The following NPAS3 variants were observed in gnomAD, a reference collection of about 807,000 sequenced individuals.
NPAS3 encodes neuronal PAS domain-containing protein 3.
In NPAS3, 14 loss-of-function variants were observed where a neutral mutation model predicts 73.1. That is an observed-to-expected ratio of 0.19 (90% CI 0.13 to 0.30). The LOEUF (loss-of-function observed/expected upper bound fraction) is 0.30. Among genes scored for constraint, NPAS3 ranks in the 10% least tolerant of loss-of-function variants. The pLI, the probability that NPAS3 is intolerant of heterozygous loss-of-function variation, is 1.00. For synonymous variants in NPAS3, 620 were observed against 541.5 expected (o/e 1.14, Z -2.01); for missense variants, 1,096 against 1,250.0 (o/e 0.88, Z 1.86).
intron 4 of NPAS3, among the ~76,000 whole-genome samples, chr14:33,504,413 G>T (rs1196972185): frequency 6.6e-6 from 1 of 151,978 alleles, no homozygotes; most frequent in African/African-American, 2.4e-5. Flanking sequence ...TGAGCTTTAA[G>T]AAATGTGATT....
intron 6 of NPAS3, among the ~76,000 whole-genome samples, chr14:33,693,305 G>A (rs1194477770): frequency 6.6e-6 from 1 of 152,056 alleles, no homozygotes; most frequent in Non-Finnish European, 1.5e-5. Context: ...CCCTGTTTTT[G>A]CTTTCTATAG....
intron 5 of NPAS3, among the ~76,000 whole-genome samples, chr14:33,615,697 C>G (rs2057894640): frequency 6.6e-6 from 1 of 152,080 alleles, no homozygotes; most frequent in South Asian, 2.1e-4. Flanking sequence ...CATAAATCAA[C>G]TTGTTTATTA....
chr14:33,645,934 G>A (rs1435263518), intron 5 of NPAS3, among the ~76,000 whole-genome samples: 1 of 152,224 alleles, frequency 6.6e-6, no homozygotes, highest in East Asian at 1.9e-4. Flanking sequence ...GGAGCTGGAA[G>A]CACAGCAGTA....
intron 3 of NPAS3, among the ~76,000 whole-genome samples, chr14:33,272,144 T>C (rs1165649202): frequency 6.6e-6 from 1 of 152,184 alleles, no homozygotes; most frequent in Non-Finnish European, 1.5e-5. Context: ...TTCTCAATCC[T>C]GTTTTGCTCA....
chr14:33,031,675 G>T (rs1171024953), intron 1 of NPAS3, among the ~76,000 whole-genome samples: 1 of 152,164 alleles, frequency 6.6e-6, no homozygotes, highest in African/African-American at 2.4e-5. Flanking sequence ...TTTTTGTAGA[G>T]ATGGGGCCTC....
chr14:33,452,340 G>A (rs1380346295), intron 4 of NPAS3, among the ~76,000 whole-genome samples: 1 of 152,140 alleles, frequency 6.6e-6, no homozygotes, highest in Non-Finnish European at 1.5e-5. Flanking sequence ...GTGACAAACT[G>A]AATTTATTAA....
At chr14:33,088,565 C>T (rs113292271) in intron 2 of NPAS3, among the ~76,000 whole-genome samples, 26 of 152,306 alleles carry the variant, frequency 1.7e-4, no homozygotes, top group African/African-American at 4.1e-4. Flanking sequence ...TGGAGCCCAC[C>T]GCAGCTCAAG....
At chr14:33,749,745 C>A (rs1291107817) in intron 7 of NPAS3, among the ~76,000 whole-genome samples, 1 of 151,992 alleles carries the variant, frequency 6.6e-6, no homozygotes, top group Admixed American at 6.6e-5. Flanking sequence ...CTCCGAGAAC[C>A]CTGAAGTAGA....
Position 33,800,889 on chromosome 14 carries a change from T to C in NPAS3, c.2582T>C (p.Phe861Ser). The stretch of plus-strand genomic sequence containing the variant: ...TTCGTGGACGTTAACAGCCCCGGCT[T>C]TGGCCTCGACCCCAAGACGCCCATG... Residue 861 changes from phenylalanine to serine, a missense_variant, in exon 12 of 12, where the codon TTT becomes TCT. Around this residue, in one of 5 missense-constraint regions of NPAS3, gnomAD observed 698 missense variants for 676.7 expected, o/e 1.03. Coordinates refer to ENST00000356141, the Ensembl canonical transcript of NPAS3. The surrounding 1 kb of genome is among the most constrained non-coding windows in gnomAD (Gnocchi z 6.5). The C allele has an allele frequency of 3.7e-6, 6 of 1,607,424 alleles. No individual in the cohort carries two copies. The highest frequency in any genetic ancestry group is 4.2e-6 in the Non-Finnish European group (5 of 1,177,424).
upstream of NPAS3, among the ~76,000 whole-genome samples, chr14:32,936,691 G>A (rs985574906): frequency 8.5e-5 from 13 of 152,050 alleles, no homozygotes; most frequent in African/African-American, 3.1e-4. Flanking sequence ...CATATAAATT[G>A]GGCATAAAAG....
intron 5 of NPAS3, among the ~76,000 whole-genome samples, chr14:33,671,738 A>G (rs78206566): frequency 0.018 from 2,754 of 152,326 alleles, 81 homozygotes; most frequent in African/African-American, 0.06. Context: ...GAGTAAAGTT[A>G]GACCAAGTGG....
At chr14:33,739,498 A>T (rs535661918) in intron 7 of NPAS3, among the ~76,000 whole-genome samples, 2 of 152,222 alleles carry the variant, frequency 1.3e-5, no homozygotes, top group Non-Finnish European at 2.9e-5. Flanking sequence ...TAATTAGCTA[A>T]GGAAAATTAT....
intron 2 of NPAS3, among the ~76,000 whole-genome samples, chr14:33,134,446 G>C (rs1039485598): frequency 6.6e-6 from 1 of 152,110 alleles, no homozygotes; most frequent in South Asian, 2.1e-4. Flanking sequence ...GAAAAGCACA[G>C]TTTTGTAGGC....
intron 7 of NPAS3, among the ~76,000 whole-genome samples, chr14:33,767,578 T>C (rs2062503883): frequency 6.8e-6 from 1 of 147,558 alleles, no homozygotes; most frequent in African/African-American, 2.5e-5. Context: ...CTGAAGATGC[T>C]CTAAACCCAG....
intron 4 of NPAS3, among the ~76,000 whole-genome samples, chr14:33,449,843 TAATC>T (rs1708727614): frequency 6.6e-6 from 1 of 152,234 alleles, no homozygotes; most frequent in African/African-American, 2.4e-5. Context: ...CAATAGCACT[TAATC>T]AGTGATAAAA....
intron 3 of NPAS3, among the ~76,000 whole-genome samples, chr14:33,359,042 CTCT>C (rs2045472244): frequency 6.6e-6 from 1 of 152,138 alleles, no homozygotes; most frequent in South Asian, 2.1e-4. Context: ...TTTATGTTGA[CTCT>C]TCTTCTGGCA....
chr14:33,600,291 C>G (rs1389319254), intron 5 of NPAS3, among the ~76,000 whole-genome samples: 2 of 152,144 alleles, frequency 1.3e-5, no homozygotes, highest in East Asian at 3.8e-4. Flanking sequence ...CTCCACTCCC[C>G]CAAGGTAATT....
chr14:33,649,388 T>A (rs75470470), intron 5 of NPAS3, among the ~76,000 whole-genome samples: 175 of 152,312 alleles, frequency 1.1e-3, no homozygotes, highest in African/African-American at 3.9e-3. Context: ...CATCGAGGGT[T>A]GCACAGGGCT....
At chr14:33,602,862 G>A (rs1000034199) in intron 5 of NPAS3, among the ~76,000 whole-genome samples, 1 of 152,118 alleles carries the variant, frequency 6.6e-6, no homozygotes, top group Admixed American at 6.5e-5. Flanking sequence ...TTACAAATCT[G>A]TAGGGTGGGA....
Sources: allele counts gnomAD v4.1 joint callset (sites outside exome capture counted in the v4.1 genomes callset), GRCh38; gene constraint gnomAD v4.1.1; regional missense constraint gnomAD v4.1.1; non-coding constraint Gnocchi (gnomAD v3.1); transcripts MANE v1.5; gene names NCBI Gene and HGNC (gene_info 2026-07-23, HGNC 2026-07-21).